The following PARVB variants were observed in gnomAD, a reference collection of about 807,000 sequenced individuals.
PARVB encodes beta-parvin.
A neutral mutation model predicts 47.0 loss-of-function variants in PARVB; 46 were observed. That is an observed-to-expected ratio of 0.98 (90% CI 0.77 to 1.25). The LOEUF is 1.25. Among genes scored for constraint, PARVB ranks in the 50% most tolerant of loss-of-function variants. The probability of loss-of-function intolerance (pLI) is 0.00; values close to 1 mark genes in which losing one functional copy is unlikely to be tolerated. For missense variants in PARVB, 473 were observed against 471.6 expected, an observed-to-expected ratio of 1.00 and a Z score of -0.03; for synonymous variants, 196 against 196.3, an observed-to-expected ratio of 1.00 and a Z score of 0.01.
At position 44,096,783 on chromosome 22, in the gene PARVB, T is replaced by C. The variant is rs146052472; in HGVS notation, c.202+2766T>C. Among the ~76,000 whole-genome samples the C allele has an allele frequency of 3.9e-4, 60 of 152,266 alleles. No individual in the cohort carries two copies. The East Asian group carries it at 0.011, about 27-fold the overall frequency. On this transcript the variant is annotated intron_variant, in intron 2 of 12. Coordinates refer to ENST00000338758, the MANE Select transcript of PARVB (RefSeq NM_013327.5). Reference sequence around the variant, plus strand: ...GGTCCCTGTCCTTGGGCACGTTTTATTGCAGCTGGCTATGACGCACAAGGT... The same window carrying C: ...GGTCCCTGTCCTTGGGCACGTTTTACTGCAGCTGGCTATGACGCACAAGGT...
chr22:44,152,778 T>A (rs2053839112), intron 10 of PARVB: 1 of 152,190 alleles, frequency 6.6e-6, no homozygotes, highest in Non-Finnish European at 1.5e-5. Context: ...GGTGCTTGAA[T>A]GCGGAGGTTT....
chr22:44,131,779 C>A, intron 5 of PARVB, 152 bp downstream of exon 5: 1 of 816,048 alleles, frequency 1.2e-6, no homozygotes, highest in Non-Finnish European at 1.9e-6. Context: ...AGAGGTAGAA[C>A]ATTGCAGGGG....
At chr22:44,034,799 C>T (rs1266792430) in intron 1 of PARVB, among the ~76,000 whole-genome samples, 1 of 150,444 alleles carries the variant, frequency 6.6e-6, no homozygotes, top group Non-Finnish European at 1.5e-5. Flanking sequence ...CAACCCCTGC[C>T]TCCCAGGTTC....
chr22:44,065,532 A>G (rs574332584), intron 1 of PARVB, among the ~76,000 whole-genome samples: 1 of 152,202 alleles, frequency 6.6e-6, no homozygotes, highest in East Asian at 1.9e-4. Context: ...GACATGAATA[A>G]GCTCTTTAGT....
intron 3 of PARVB, 85 bp downstream of exon 3, chr22:44,100,208 CTAAACCCGGGGCT>C: frequency 9.4e-7 from 1 of 1,065,042 alleles, no homozygotes; most frequent in Non-Finnish European, 1.5e-6. Context: ...ACAAAGGGAG[CTAAACCCGGGGCT>C]CCTGAAAGGG....
chr22:44,094,069 C>T (rs772452979), intron 2 of PARVB, 52 bp downstream of exon 2: 2 of 1,158,920 alleles, frequency 1.7e-6, no homozygotes, highest in Non-Finnish European at 1.3e-6. Context: ...TTCCGTGGCA[C>T]TAAGTTGGTC....
At chr22:44,007,271 G>A (rs2146848255) in intron 2 of PARVB, among the ~76,000 whole-genome samples, 1 of 152,232 alleles carries the variant, frequency 6.6e-6, no homozygotes, top group South Asian at 2.1e-4. Flanking sequence ...GCCTATGGGA[G>A]GAAGGTGGGC....
intron 1 of PARVB, among the ~76,000 whole-genome samples, chr22:44,083,648 A>G (rs1027949067): frequency 6.6e-6 from 1 of 152,068 alleles, no homozygotes; most frequent in Non-Finnish European, 1.5e-5. Context: ...AGGGGCAGAG[A>G]TATGACCTAC....
At chr22:44,148,330 T>G in intron 9 of PARVB, 1 of 265,856 alleles carries the variant, frequency 3.8e-6, no homozygotes, top group Non-Finnish European at 7.5e-6. Context: ...TTTGGCCCGT[T>G]TCCCTCCAGA....
rs2294539 is a variant in PARVB at position 44,172,858 on chromosome 22, C to T, written c.*4180C>T. 2.5e-6 allele frequency: 2 copies of T among 804,998 alleles called. No individual in the cohort carries two copies. The highest frequency in any genetic ancestry group is 3.4e-6 in the Non-Finnish European group (2 of 582,572). The allele number at this position is 804,998 out of a possible 1,614,324, so 49.9% of individuals were successfully genotyped here. ...TCACTGCAACACCGGGCAAACACTT[C>T]TTCCGCCAGGGATGCGGTTAGGACA... On this transcript the variant is annotated 3_prime_UTR_variant, in exon 13 of 13. Coordinates refer to ENST00000338758, the MANE Select transcript of PARVB (RefSeq NM_013327.5).
At chr22:44,094,161 C>G (rs942269980) in intron 2 of PARVB, 144 bp downstream of exon 2, 5 of 527,072 alleles carry the variant, frequency 9.5e-6, no homozygotes, top group Non-Finnish European at 1.7e-5. Context: ...GTTCTTAGCT[C>G]AAGGTCATCT....
chr22:44,165,509 G>A (rs1690525899), intron 12 of PARVB, among the ~76,000 whole-genome samples: 2 of 152,230 alleles, frequency 1.3e-5, no homozygotes, highest in Admixed American at 6.5e-5. Flanking sequence ...TTGTTGCTGT[G>A]AGGCAGGGCC....
At chr22:44,008,837 A>AT (rs2050494044) in intron 2 of PARVB, among the ~76,000 whole-genome samples, 1 of 152,016 alleles carries the variant, frequency 6.6e-6, no homozygotes, top group South Asian at 2.1e-4. Context: ...TACAAAAAAA[A>AT]AATTAGCTGG....
chr22:44,147,967 G>C, intron 9 of PARVB, 45 bp downstream of exon 9: 1 of 1,539,232 alleles, frequency 6.5e-7, no homozygotes, highest in African/African-American at 1.4e-5. Flanking sequence ...CCTGGCTCGC[G>C]GCTTTTTGAC....
intron 2 of PARVB, among the ~76,000 whole-genome samples, chr22:44,002,264 CGTT>C (rs1431738524): frequency 2.0e-5 from 3 of 152,218 alleles, no homozygotes; most frequent in Admixed American, 1.3e-4. Context: ...ACTGATCTAT[CGTT>C]GTCCAAAGCT....
intron 1 of PARVB, among the ~76,000 whole-genome samples, chr22:44,090,700 A>G (rs2052145154): frequency 6.6e-6 from 1 of 152,126 alleles, no homozygotes; most frequent in South Asian, 2.1e-4. Flanking sequence ...CACCTGTGTA[A>G]TCCTCCACAC....
At chr22:44,005,035 T>C (rs2050450002) in intron 2 of PARVB, among the ~76,000 whole-genome samples, 1 of 152,154 alleles carries the variant, frequency 6.6e-6, no homozygotes, top group Non-Finnish European at 1.5e-5. Context: ...AAATCTTTAT[T>C]TTGCAATAAA....
rs766174768 is a variant in PARVB, at chr22:44,147,880, GCT to G, written c.733_734del (p.Leu245ValfsTer7). 1 of 1,614,034 alleles carries G rather than the reference GCT, an allele frequency of 6.2e-7. No homozygotes were observed. Among genetic ancestry groups the G allele is most frequent in the Admixed American group, 1.7e-5 (1 of 60,012 alleles). The part of the protein sequence containing the change: ...GRFERDAFDT[L>X]FDHAPDKLSV... ...CCTCAGAGCGGGATGCCTTCGACAC[GCT>G]GTTCGACCACGCCCCGGATAAGCTC... is the stretch of plus-strand genomic sequence containing the variant. On this transcript the variant is annotated frameshift_variant, in exon 9 of 13. Coordinates refer to ENST00000338758, the MANE Select transcript of PARVB (RefSeq NM_013327.5). LOFTEE classifies it high-confidence loss of function.
rs187694839 is a variant in PARVB at position 44,051,304 on chromosome 22, C to T, written c.112+26853C>T. On this transcript the variant is annotated intron_variant, in intron 1 of 12. Coordinates refer to ENST00000338758, the MANE Select transcript of PARVB (RefSeq NM_013327.5). Reference sequence around the variant, plus strand: ...GGAGCCCTGCAAAGCTGTTGTGTCACCCCGTCTGTTTGTAGGCGCTGGGGG... The same window carrying T: ...GGAGCCCTGCAAAGCTGTTGTGTCATCCCGTCTGTTTGTAGGCGCTGGGGG... Among the ~76,000 whole-genome samples, 93 of 152,312 alleles carry T rather than the reference C, an allele frequency of 6.1e-4. 1 individual carries two copies. The East Asian group carries it at 0.016, about 26-fold the overall frequency.
Sources: gnomAD v4.1 joint callset for allele counts (sites outside exome capture counted in the v4.1 genomes callset) on GRCh38, gnomAD v4.1.1 for gene constraint, MANE v1.5 for transcripts, NCBI Gene and HGNC (gene_info 2026-07-23, HGNC 2026-07-21) for gene names.